XPO6: variants seen among roughly 807,000 people sequenced by gnomAD.
XPO6 encodes exportin-6.
Under a neutral mutation model 130.0 loss-of-function variants are expected in XPO6, and 3 were observed. The ratio of observed to expected loss-of-function variants is 0.02; its 90% CI spans 0.01 to 0.06. The LOEUF is 0.06. Ranked by LOEUF, XPO6 falls within the 10% of genes least tolerant of loss-of-function variation. The pLI is 1.00. For missense variants in XPO6, 970 were observed against 1,393.0 expected, an observed-to-expected ratio of 0.70 and a Z score of 4.83; for synonymous variants, 524 against 548.9, an observed-to-expected ratio of 0.95 and a Z score of 0.63.
intron 15 of XPO6, among the ~76,000 whole-genome samples, chr16:28,116,052 A>G (rs577457900): frequency 2.0e-5 from 3 of 152,346 alleles, no homozygotes; most frequent in Admixed American, 6.5e-5. Flanking sequence ...AACCTTCCTC[A>G]TATCAACAAC....
chr16:28,135,198 T>C lies in XPO6; in HGVS notation c.1443+18A>G, dbSNP rs1226986310. The C allele has an allele frequency of 3.7e-6, 6 of 1,604,988 alleles. No homozygotes were observed. The highest frequency in any genetic ancestry group is 8.5e-7 in the Non-Finnish European group (1 of 1,173,570). ...CAACATGACAGCGACAAAAAATCAA[T>C]CAGGGCATGCCGCTTACATCGTCAT... On this transcript the variant is annotated intron_variant, in intron 10 of 23. Coordinates refer to ENST00000304658, the MANE Select transcript of XPO6 (RefSeq NM_015171.4).
intron 9 of XPO6, among the ~76,000 whole-genome samples, chr16:28,139,641 CTCTAA>C (rs1391869682): frequency 4.6e-5 from 7 of 152,030 alleles, no homozygotes; most frequent in Non-Finnish European, 7.4e-5. Context: ...GGCTAAAGGA[CTCTAA>C]TCTATATGGT....
chr16:28,160,427 C>T (rs537682673), intron 6 of XPO6, among the ~76,000 whole-genome samples: 1 of 145,984 alleles, frequency 6.9e-6, no homozygotes, highest in East Asian at 2.0e-4. Context: ...TCGCTTGCCC[C>T]TGGGAGGCGG....
intron 1 of XPO6, among the ~76,000 whole-genome samples, chr16:28,193,948 G>A (rs978266999): frequency 6.6e-6 from 1 of 152,166 alleles, no homozygotes; most frequent in South Asian, 2.1e-4. Flanking sequence ...GGGTACGCTT[G>A]TCCTGGGAAG....
intron 1 of XPO6, 144 bp downstream of exon 1, chr16:28,211,220 ACT>A (rs1237473572): frequency 1.3e-5 from 10 of 795,148 alleles, no homozygotes; most frequent in Non-Finnish European, 1.6e-5. Context: ...GGGGCTGCAC[ACT>A]CTGCACGCAT....
intron 8 of XPO6, among the ~76,000 whole-genome samples, chr16:28,149,238 G>A (rs191095910): frequency 7.2e-5 from 11 of 152,170 alleles, no homozygotes; most frequent in African/African-American, 2.7e-4. Flanking sequence ...AGAGACATAG[G>A]TTTATAGACA....
chr16:28,129,845 A>C (rs1799339885), intron 12 of XPO6, among the ~76,000 whole-genome samples: 1 of 152,256 alleles, frequency 6.6e-6, no homozygotes, highest in African/African-American at 2.4e-5. Flanking sequence ...TTAGAGGAGA[A>C]ATACTGTCTC....
In XPO6 at chr16:28,133,854, G is replaced by A; in HGVS notation, c.1523C>T (p.Ala508Val). The A allele has an allele frequency of 1.2e-6, 2 of 1,614,024 alleles. No individual in the cohort carries two copies. The highest frequency in any genetic ancestry group is 1.7e-6 in the Non-Finnish European group (2 of 1,179,980). Residue 508 changes from alanine to valine, a missense_variant, in exon 11 of 24, where the codon GCC (alanine) becomes GTC (valine). Physicochemically the swap from Ala to Val is moderately conservative, Grantham distance 64 (BLOSUM62 0). Around this residue, in one of 4 missense-constraint regions of XPO6, gnomAD observed 936 missense variants for 1,306.8 expected, o/e 0.72. Transcript: ENST00000304658. ...ACAGCACATTACCAGTGTGGAGAAG[G>A]CGTGCGTGGGCAGGAGCTCCATCAC... is the stretch of plus-strand genomic sequence containing the variant. ...AKVMELLPTHAFSTLFPVLQD... is the reference protein window; with the variant it reads ...AKVMELLPTHVFSTLFPVLQD...
chr16:28,135,135 G>C, intron 10 of XPO6, 81 bp downstream of exon 10: 1 of 1,156,674 alleles, frequency 8.6e-7, no homozygotes, highest in South Asian at 1.4e-5. Context: ...TCGGAGCAGA[G>C]GGCTCTGGGT....
At chr16:28,158,283 T>C (rs1243446473) in intron 6 of XPO6, among the ~76,000 whole-genome samples, 6 of 152,332 alleles carry the variant, frequency 3.9e-5, no homozygotes, top group Non-Finnish European at 8.8e-5. Flanking sequence ...AAAGGAATAC[T>C]AAGATGTTCT....
chr16:28,104,570 C>T lies in XPO6; in HGVS notation c.2922G>A (p.Glu974=). 1.2e-6 allele frequency: 2 copies of T among 1,614,214 alleles called. No individual in the cohort carries two copies. The highest frequency in any genetic ancestry group is 1.7e-6 in the Non-Finnish European group (2 of 1,180,048). ...CCTGCATGATGGCACTGAACTGGGG[C>T]TCATTCTCCATCTGCTCCTCAGCGA... The part of the protein sequence containing the change: ...RGIAEEQMEN[E]PQFSAIMQAF... Residue 974 remains glutamate, a synonymous_variant, in exon 21 of 24, where the codon GAG becomes GAA. Coordinates refer to ENST00000304658, the MANE Select transcript of XPO6 (RefSeq NM_015171.4).
intron 1 of XPO6, among the ~76,000 whole-genome samples, chr16:28,198,330 ATTTT>A (rs5816464): frequency 2.7e-5 from 4 of 150,940 alleles, no homozygotes; most frequent in African/African-American, 9.8e-5. Flanking sequence ...AATGGTGGTA[ATTTT>A]TTTTTTTAAT....
chr16:28,148,495 A>C (rs571498434), intron 8 of XPO6, among the ~76,000 whole-genome samples: 89 of 152,182 alleles, frequency 5.8e-4, no homozygotes, highest in Non-Finnish European at 1.0e-3. Flanking sequence ...CTAGACCCCA[A>C]TTTACTTTTC....
intron 9 of XPO6, among the ~76,000 whole-genome samples, chr16:28,137,120 G>A (rs958069840): frequency 3.3e-5 from 5 of 152,152 alleles, no homozygotes; most frequent in African/African-American, 9.7e-5. Flanking sequence ...AACTAGTATC[G>A]TGCACCCTCA....
chr16:28,113,049 A>G lies in XPO6; in HGVS notation c.2006T>C (p.Val669Ala), dbSNP rs376525758. Reference sequence around the variant, plus strand: ...CGCAGATAGCAGCAGCTTGTCTTGGACCTGCAGAGGGAAGAGGGCACGTCA... The same window carrying G: ...CGCAGATAGCAGCAGCTTGTCTTGGGCCTGCAGAGGGAAGAGGGCACGTCA... ...DAITPLISTKVQDKLLLSACH... is the reference protein window; with the variant it reads ...DAITPLISTKAQDKLLLSACH... The change falls in exon 16 of 24, where the codon GTC becomes GCC. Residue 669 changes from valine (V) to alanine (A), a missense_variant and splice_region_variant. Physicochemically the swap from Val to Ala is moderately conservative, Grantham distance 64 (BLOSUM62 0). This residue lies in a region of XPO6 where 936 missense variants were observed against 1,306.8 expected (regional missense o/e 0.72). Coordinates refer to ENST00000304658, the MANE Select transcript of XPO6 (RefSeq NM_015171.4). 40 of 1,613,528 alleles carry G rather than the reference A, an allele frequency of 2.5e-5. No individual in the cohort carries two copies. Among genetic ancestry groups the G allele is most frequent in the Non-Finnish European group, 3.0e-5 (35 of 1,179,794 alleles).
At chr16:28,206,069 T>C (rs2044024651) in intron 1 of XPO6, among the ~76,000 whole-genome samples, 1 of 143,304 alleles carries the variant, frequency 7.0e-6, no homozygotes, top group Non-Finnish European at 1.5e-5. Context: ...CTCTACCTCC[T>C]AGAGTTGTTT....
intron 8 of XPO6, 53 bp from the exon 9 acceptor site, chr16:28,146,256 T>G: frequency 8.0e-7 from 1 of 1,252,654 alleles, no homozygotes; most frequent in Non-Finnish European, 1.2e-6. Flanking sequence ...TACTATTCCT[T>G]AGAAACACAC....
intron 1 of XPO6, among the ~76,000 whole-genome samples, chr16:28,205,049 G>A (rs767268516): frequency 6.6e-5 from 10 of 152,016 alleles, no homozygotes; most frequent in South Asian, 6.2e-4. Context: ...GCGACAGAGC[G>A]AGATCCTATG....
At chr16:28,203,158 C>A (rs1265282568) in intron 1 of XPO6, among the ~76,000 whole-genome samples, 1 of 151,956 alleles carries the variant, frequency 6.6e-6, no homozygotes, top group African/African-American at 2.4e-5. Context: ...ACGTATAGTT[C>A]CAGCTACTCA....
Sources: gnomAD v4.1 joint callset for allele counts (sites outside exome capture counted in the v4.1 genomes callset) on GRCh38, gnomAD v4.1.1 for gene constraint, gnomAD v4.1.1 regional missense constraint, MANE v1.5 for transcripts, NCBI Gene and HGNC (gene_info 2026-07-23, HGNC 2026-07-21) for gene names.